PPP1R14C: variants seen among roughly 807,000 people sequenced by gnomAD.
PPP1R14C encodes protein phosphatase 1 regulatory subunit 14C.
In PPP1R14C, 16 loss-of-function variants were observed where a neutral mutation model predicts 20.4. The observed-to-expected ratio is 0.78, with a 90% CI of 0.53 to 1.19. PPP1R14C has a LOEUF of 1.19. PPP1R14C is among the 50% of genes most tolerant of loss of function. The pLI, the probability that PPP1R14C is intolerant of heterozygous loss-of-function variation, is 0.00. For synonymous variants in PPP1R14C, 91 were observed against 91.0 expected (o/e 1.00, Z 0.00); for missense variants, 211 against 220.1 (o/e 0.96, Z 0.26).
At chr6:150,161,572 C>A in intron 1 of PPP1R14C, among the ~76,000 whole-genome samples, 1 of 152,236 alleles carries the variant, frequency 6.6e-6, no homozygotes, top group Non-Finnish European at 1.5e-5. Flanking sequence ...CCAACAGAGA[C>A]AAACCTGTGG....
At chr6:150,173,718 C>T (rs188488158) in intron 1 of PPP1R14C, among the ~76,000 whole-genome samples, 74 of 152,152 alleles carry the variant, frequency 4.9e-4, no homozygotes, top group Middle Eastern at 3.4e-3. Context: ...AGAATAATGC[C>T]GATGCCAGCC....
chr6:150,218,573 G>A lies in PPP1R14C; in HGVS notation c.423+1717G>A, dbSNP rs141220964. 2.9e-3 allele frequency among the ~76,000 whole-genome samples: 423 copies of A among 145,518 alleles called. 2 individuals carry two copies. Among genetic ancestry groups the A allele is most frequent in the African/African-American group, 9.4e-3 (370 of 39,268 alleles). On this transcript the variant is annotated intron_variant, in intron 3 of 3. Coordinates refer to ENST00000361131, the MANE Select transcript of PPP1R14C (RefSeq NM_030949.3). ...TTTTCCTATTTTATATTATATTTATGTATTGTATTTCTATATTTTCATAAG... is the reference window on the plus strand; with the variant it reads ...TTTTCCTATTTTATATTATATTTATATATTGTATTTCTATATTTTCATAAG...
chr6:150,222,346 A>G (rs1322531552), intron 3 of PPP1R14C, among the ~76,000 whole-genome samples: 2 of 152,162 alleles, frequency 1.3e-5, no homozygotes, highest in East Asian at 1.9e-4. Flanking sequence ...CAGATTTCCA[A>G]TATGCTCACT....
At chr6:150,247,219 A>G (rs1373828893) in intron 3 of PPP1R14C, among the ~76,000 whole-genome samples, 2 of 152,226 alleles carry the variant, frequency 1.3e-5, no homozygotes, top group African/African-American at 4.8e-5. Flanking sequence ...AGATGGCTCC[A>G]TGGACAGCAA....
chr6:150,220,264 A>G (rs1373202069), intron 3 of PPP1R14C, among the ~76,000 whole-genome samples: 2 of 152,258 alleles, frequency 1.3e-5, no homozygotes, highest in East Asian at 1.9e-4. Flanking sequence ...AAAAATGTCA[A>G]TGTTTGGTTC....
intron 1 of PPP1R14C, among the ~76,000 whole-genome samples, chr6:150,173,778 A>T (rs1320294885): frequency 6.6e-6 from 1 of 152,046 alleles, no homozygotes; most frequent in Non-Finnish European, 1.5e-5. Context: ...GCCCATGGTC[A>T]CTCAGCCAGG....
chr6:150,219,614 A>G (rs956152346), intron 3 of PPP1R14C, among the ~76,000 whole-genome samples: 1 of 152,128 alleles, frequency 6.6e-6, no homozygotes, highest in Non-Finnish European at 1.5e-5. Context: ...TGACTGTTCA[A>G]TCACATCATT....
At chr6:150,238,135 G>A (rs1197780338) in intron 3 of PPP1R14C, among the ~76,000 whole-genome samples, 1 of 152,168 alleles carries the variant, frequency 6.6e-6, no homozygotes, top group Non-Finnish European at 1.5e-5. Context: ...GTGGACCCAG[G>A]ATCTCTTAGG....
At position 150,237,348 on chromosome 6, in the gene PPP1R14C, C is replaced by T. The variant is rs149909744; in HGVS notation, c.424-11398C>T. The stretch of plus-strand genomic sequence containing the variant: ...CCTCCGGAGTAGCTGGGATTACAGG[C>T]ATGTGCCACCATGCCCTGCTAATTT... On this transcript the variant is annotated intron_variant, in intron 3 of 3. Transcript: ENST00000361131. Among the ~76,000 whole-genome samples, 1,269 of 152,238 alleles carry T rather than the reference C, an allele frequency of 8.3e-3. 15 individuals are homozygous for T. The highest frequency in any genetic ancestry group is 0.029 in the African/African-American group (1,204 of 41,530).
Position 150,191,035 on chromosome 6 carries a change from G to T in PPP1R14C, c.307-23709G>T, listed in dbSNP as rs147243081. Among the ~76,000 whole-genome samples, 241 of 152,134 alleles carry T rather than the reference G, an allele frequency of 1.6e-3. 4 individuals carry two copies. Among genetic ancestry groups the T allele is most frequent in the African/African-American group, 4.6e-3 (193 of 41,506 alleles). On this transcript the variant is annotated intron_variant, in intron 1 of 3. Coordinates refer to ENST00000361131, the MANE Select transcript of PPP1R14C (RefSeq NM_030949.3). Reference sequence around the variant, plus strand: ...TACCTCTCTGATCCCCTACTTCTTTGCCCTTCACTCTCTCTGCTCCCGACA... The same window carrying T: ...TACCTCTCTGATCCCCTACTTCTTTTCCCTTCACTCTCTCTGCTCCCGACA...
chr6:150,163,405 C>T (rs566124407), intron 1 of PPP1R14C, among the ~76,000 whole-genome samples: 1 of 152,146 alleles, frequency 6.6e-6, no homozygotes, highest in East Asian at 1.9e-4. Flanking sequence ...ACAACAACAA[C>T]AACAAAAAAC....
intron 1 of PPP1R14C, among the ~76,000 whole-genome samples, chr6:150,164,842 G>T (rs1187641488): frequency 6.6e-6 from 1 of 152,190 alleles, no homozygotes; most frequent in African/African-American, 2.4e-5. Context: ...TTATACTATT[G>T]GGAGAGGGGC....
chr6:150,230,539 A>T (rs1000979627), intron 3 of PPP1R14C, among the ~76,000 whole-genome samples: 2 of 151,884 alleles, frequency 1.3e-5, no homozygotes, highest in African/African-American at 2.4e-5. Flanking sequence ...TAGGGAATGG[A>T]TGGGTCTTTT....
At chr6:150,218,497 C>T (rs1778127551) in intron 3 of PPP1R14C, among the ~76,000 whole-genome samples, 1 of 122,158 alleles carries the variant, frequency 8.2e-6, no homozygotes, top group Non-Finnish European at 1.6e-5. Flanking sequence ...AAAAAAAATT[C>T]TGAGGCTTAT....
intron 1 of PPP1R14C, among the ~76,000 whole-genome samples, chr6:150,209,150 T>C (rs899263681): frequency 6.6e-6 from 1 of 152,166 alleles, no homozygotes; most frequent in Admixed American, 6.5e-5. Flanking sequence ...CACAGGAGTT[T>C]AATCCCGTGT....
intron 1 of PPP1R14C, among the ~76,000 whole-genome samples, chr6:150,179,685 C>G (rs898585426): frequency 1.3e-5 from 2 of 151,824 alleles, no homozygotes; most frequent in African/African-American, 4.8e-5. Flanking sequence ...GGCTCTCTTA[C>G]ACAGGTGACA....
intron 3 of PPP1R14C, among the ~76,000 whole-genome samples, chr6:150,231,109 A>C (rs919481439): frequency 6.6e-6 from 1 of 152,172 alleles, no homozygotes; most frequent in African/African-American, 2.4e-5. Flanking sequence ...GGCCACTGTG[A>C]TACCACGCCC....
In PPP1R14C at chr6:150,183,130, T is replaced by C. The variant is rs145886665; in HGVS notation, c.307-31614T>C. 2.1e-4 allele frequency among the ~76,000 whole-genome samples: 32 copies of C among 152,376 alleles called. No individual in the cohort carries two copies. The East Asian group carries it at 6.0e-3, about 28-fold the overall frequency. On this transcript the variant is annotated intron_variant, in intron 1 of 3. Transcript: ENST00000361131. ...ATAGTACAAATATTCTGTTGTTTTT[T>C]TAATTCTATCTTTCATGATTGCTAT...
intron 1 of PPP1R14C, among the ~76,000 whole-genome samples, chr6:150,206,706 G>A (rs1364226000): frequency 6.6e-6 from 1 of 152,198 alleles, no homozygotes; most frequent in Non-Finnish European, 1.5e-5. Flanking sequence ...TGCCCCAGAA[G>A]TGAACCTTCG....
Sources: allele counts gnomAD v4.1 joint callset (sites outside exome capture counted in the v4.1 genomes callset), GRCh38; gene constraint gnomAD v4.1.1; transcripts MANE v1.5; gene names NCBI Gene and HGNC (gene_info 2026-07-23, HGNC 2026-07-21).